The following THSD7B variants were observed in gnomAD, a reference collection of about 807,000 sequenced individuals.
THSD7B encodes thrombospondin type 1 domain containing 7B.
THSD7B carries 138 observed loss-of-function variants against 213.6 expected under a neutral mutation model. The observed-to-expected ratio is 0.65, with a 90% CI of 0.56 to 0.74. THSD7B has a LOEUF of 0.74. THSD7B is among the 30% of genes least tolerant of loss of function. The pLI is 0.00. For missense variants in THSD7B, 1,931 were observed against 1,991.5 expected (o/e 0.97, Z 0.58); for synonymous variants, 742 against 687.0 (o/e 1.08, Z -1.25).
In THSD7B at chr2:137,587,794, T is replaced by G. The variant is rs554223549; in HGVS notation, c.3423+15238T>G. Among the ~76,000 whole-genome samples, 10 of 152,284 alleles carry G rather than the reference T, an allele frequency of 6.6e-5. 1 individual carries two copies. Among genetic ancestry groups the G allele is most frequent in the Admixed American group, 4.6e-4 (7 of 15,290 alleles). On this transcript the variant is annotated intron_variant, in intron 17 of 27. Transcript: ENST00000409968. ...GCTACTCAGGGATCATGGACCCACTTTAGGAGGCAGTCTGTCCATTCTCCG... is the reference window on the plus strand; with the variant it reads ...GCTACTCAGGGATCATGGACCCACTGTAGGAGGCAGTCTGTCCATTCTCCG...
chr2:137,250,425 G>T (rs1682146308), intron 10 of THSD7B, among the ~76,000 whole-genome samples: 1 of 152,044 alleles, frequency 6.6e-6, no homozygotes. Context: ...GGTTTTAAAT[G>T]TTCTCACTAT....
chr2:136,959,432 T>C (rs1189290220), intron 2 of THSD7B, among the ~76,000 whole-genome samples: 1 of 152,224 alleles, frequency 6.6e-6, no homozygotes, highest in Non-Finnish European at 1.5e-5. Context: ...TCATAGAACT[T>C]CCTATTCTCT....
chr2:137,377,872 G>T (rs149184171), intron 12 of THSD7B, among the ~76,000 whole-genome samples: 1 of 151,990 alleles, frequency 6.6e-6, no homozygotes, highest in Non-Finnish European at 1.5e-5. Flanking sequence ...TGATCCACCC[G>T]CCTCAGCCTC....
rs563683443 is a variant in THSD7B, at chr2:137,677,580, A to G, written c.*975A>G. 6.5e-6 allele frequency: 1 copy of G among 152,674 alleles called. No individual in the cohort carries two copies. The highest frequency in any genetic ancestry group is 2.4e-5 in the African/African-American group (1 of 41,462). The allele number at this position is 152,674 out of a possible 1,614,324, so 9.5% of individuals were successfully genotyped here. A position where few individuals can be genotyped will look rare whatever the true frequency, so the allele number is the denominator to read the frequency against. ...GTCTTGCTTTTATAAGGTTTCAATA[A>G]TATCTAAAACAACACATTAAAAAGC... On this transcript the variant is annotated 3_prime_UTR_variant, in exon 28 of 28. Coordinates refer to ENST00000409968, the MANE Select transcript of THSD7B (RefSeq NM_001316349.2).
At chr2:136,767,456 A>AGTGTGTGTGTGTGTGTGT (rs6146926) in intron 1 of THSD7B, among the ~76,000 whole-genome samples, 24,001 of 146,344 alleles carry the variant, frequency 0.16, 2,327 homozygotes, top group Non-Finnish European at 0.22. Context: ...ATCCCTGGGA[A>AGTGTGTGTGTGTGTGTGT]GTGTGTGTGT....
Position 136,882,198 on chromosome 2 carries a change from T to G in THSD7B, c.20T>G (p.Leu7Arg). The G allele has an allele frequency of 6.5e-7, 1 of 1,535,440 alleles. No individual in the cohort carries two copies. The highest frequency in any genetic ancestry group is 8.8e-7 in the Non-Finnish European group (1 of 1,140,606). Residue 7 changes from leucine (L) to arginine (R), a missense_variant, in exon 2 of 28, where the codon CTA becomes CGA. Physicochemically the swap from Leu to Arg is moderately radical, Grantham distance 102. Transcript: ENST00000409968. MFPKSN[L>R]TVTCWVWRSM... ...TGAAGCATGTTTCCAAAGAGCAACC[T>G]AACAGTCACTTGCTGGGTATGGAGG... is the stretch of plus-strand genomic sequence containing the variant.
intron 12 of THSD7B, among the ~76,000 whole-genome samples, chr2:137,386,963 T>C (rs1685909671): frequency 6.6e-6 from 1 of 152,190 alleles, no homozygotes; most frequent in Non-Finnish European, 1.5e-5. Flanking sequence ...TTTTAGATAA[T>C]TTTACATTTG....
At position 137,043,749 on chromosome 2, in the gene THSD7B, T is replaced by G. The variant is rs1452836562; in HGVS notation, c.140-12671T>G. On this transcript the variant is annotated intron_variant, in intron 2 of 27. Transcript: ENST00000409968. ...CACCTCTTGTCTGAGAACATGAGCA[T>G]GGGCCACTGATGACCTGTTTAAAAG... is the stretch of plus-strand genomic sequence containing the variant. 3.9e-5 allele frequency among the ~76,000 whole-genome samples: 6 copies of G among 152,092 alleles called. No individual in the cohort carries two copies. In the East Asian group the frequency reaches 1.2e-3, roughly 29 times the overall value.
At chr2:136,834,568 C>T (rs1361169944) in intron 1 of THSD7B, among the ~76,000 whole-genome samples, 5 of 151,784 alleles carry the variant, frequency 3.3e-5, no homozygotes, top group East Asian at 3.9e-4. Flanking sequence ...CTCAGCATCT[C>T]GGTGTCAGAG....
chr2:137,198,498 A>T (rs577344811), intron 7 of THSD7B, among the ~76,000 whole-genome samples: 1 of 152,306 alleles, frequency 6.6e-6, no homozygotes, highest in South Asian at 2.1e-4. Flanking sequence ...TCCTTGGAAG[A>T]CAATTCCCCT....
intron 10 of THSD7B, among the ~76,000 whole-genome samples, chr2:137,267,380 C>T (rs1289350058): frequency 6.6e-6 from 1 of 152,096 alleles, no homozygotes; most frequent in African/African-American, 2.4e-5. Context: ...CTCACAAAAG[C>T]TTACAAATAT....
intron 15 of THSD7B, among the ~76,000 whole-genome samples, chr2:137,487,337 C>T (rs1688475300): frequency 8.1e-6 from 1 of 122,804 alleles, no homozygotes; most frequent in African/African-American, 3.4e-5. Flanking sequence ...CACTGCAGTC[C>T]GCAGTCCGGC....
In THSD7B at chr2:137,582,925, A is replaced by G. The variant is rs144004359; in HGVS notation, c.3423+10369A>G. ...CTGAGGAATCACCACACTCTCTTCC[A>G]TAATGGTTAAATTAGTTTACACTCC... On this transcript the variant is annotated intron_variant, in intron 17 of 27. Coordinates refer to ENST00000409968, the MANE Select transcript of THSD7B (RefSeq NM_001316349.2). Among the ~76,000 whole-genome samples, 144 of 152,326 alleles carry G rather than the reference A, an allele frequency of 9.5e-4. 2 individuals carry two copies. The highest frequency in any genetic ancestry group is 6.8e-3 in the Middle Eastern group (2 of 294).
At chr2:137,404,452 TATATATATATATATATATATATACAC>T (rs1345757114) in intron 12 of THSD7B, among the ~76,000 whole-genome samples, 88 of 104,624 alleles carry the variant, frequency 8.4e-4, no homozygotes, top group African/African-American at 3.1e-3. Flanking sequence ...TATATATATA[TATATATATATATATATATATATACAC>T]ACACACACAC....
intron 2 of THSD7B, among the ~76,000 whole-genome samples, chr2:136,984,015 C>T (rs1685629979): frequency 1.3e-5 from 2 of 152,020 alleles, no homozygotes; most frequent in Admixed American, 1.3e-4. Flanking sequence ...GATAGTAACT[C>T]TCAAATGGGG....
At chr2:137,099,111 T>C (rs1051985454) in intron 4 of THSD7B, among the ~76,000 whole-genome samples, 1 of 152,072 alleles carries the variant, frequency 6.6e-6, no homozygotes, top group African/African-American at 2.4e-5. Context: ...GTGTATACTA[T>C]GGGTAGGGAA....
intron 12 of THSD7B, among the ~76,000 whole-genome samples, chr2:137,302,312 A>G (rs1431804875): frequency 6.6e-6 from 1 of 152,168 alleles, no homozygotes; most frequent in Non-Finnish European, 1.5e-5. Flanking sequence ...AGAAGATGCC[A>G]GTGGTGCATG....
rs1456314052 is a variant in THSD7B, at chr2:137,272,679, T to A, written c.2396+17T>A. On this transcript the variant is annotated intron_variant, in intron 11 of 27. Coordinates refer to ENST00000409968, the MANE Select transcript of THSD7B (RefSeq NM_001316349.2). ...TGTATATCGGCAAGTAGTTACCTTT[T>A]AAAATTATCGTTAGACCTACTGTAA... 37 of 1,608,212 alleles carry A rather than the reference T, an allele frequency of 2.3e-5. No homozygotes were observed. Among genetic ancestry groups the A allele is most frequent in the Non-Finnish European group, 3.1e-5 (36 of 1,177,178 alleles).
intron 2 of THSD7B, among the ~76,000 whole-genome samples, chr2:136,977,801 G>GTTTTTTTTTTTTTTTTTTTTT: frequency 9.4e-6 from 1 of 106,012 alleles, no homozygotes; most frequent in Non-Finnish European, 1.7e-5. Flanking sequence ...TCTTTTCTTT[G>GTTTTTTTTTTTTTTTTTTTTT]TTTTTTTTTT....
Sources: allele counts gnomAD v4.1 joint callset (sites outside exome capture counted in the v4.1 genomes callset), GRCh38; gene constraint gnomAD v4.1.1; transcripts MANE v1.5; gene names NCBI Gene and HGNC (gene_info 2026-07-23, HGNC 2026-07-21).